SNX4: variants seen among roughly 807,000 people sequenced by gnomAD.
SNX4 encodes sorting nexin-4.
In SNX4, 49 loss-of-function variants were observed where a neutral mutation model predicts 70.8. The ratio of observed to expected loss-of-function variants is 0.69; its 90% CI spans 0.55 to 0.88. The LOEUF is 0.88. SNX4 is among the 40% of genes least tolerant of loss of function. SNX4 has a pLI of 0.00. For missense variants in SNX4, 528 were observed against 544.8 expected (o/e 0.97, Z 0.31); for synonymous variants, 206 against 183.8 (o/e 1.12, Z -0.98).
At chr3:125,495,771 T>C (rs1934780485) in intron 5 of SNX4, among the ~76,000 whole-genome samples, 3 of 152,240 alleles carry the variant, frequency 2.0e-5, no homozygotes, top group Admixed American at 2.0e-4. Context: ...CTAGAATTTT[T>C]AAATTTTTTG....
chr3:125,490,787 CA>C (rs61378851), intron 5 of SNX4, among the ~76,000 whole-genome samples: 47 of 140,678 alleles, frequency 3.3e-4, no homozygotes, highest in East Asian at 4.1e-4. Context: ...ATTAAAAAAA[CA>C]AAAAAAAAAA....
At chr3:125,485,903 C>T (rs1037380221) in intron 6 of SNX4, among the ~76,000 whole-genome samples, 4 of 152,152 alleles carry the variant, frequency 2.6e-5, no homozygotes, top group East Asian at 1.9e-4. Context: ...TGCAATGGCG[C>T]GATCTTGGCT....
intron 1 of SNX4, among the ~76,000 whole-genome samples, chr3:125,513,612 C>T (rs901887511): frequency 3.3e-5 from 5 of 152,054 alleles, no homozygotes; most frequent in Non-Finnish European, 5.9e-5. Context: ...CATCTGTATC[C>T]CACAACCCAG....
intron 2 of SNX4, among the ~76,000 whole-genome samples, chr3:125,499,757 G>A (rs1422432376): frequency 1.6e-5 from 2 of 122,102 alleles, no homozygotes. Context: ...GTCTGCATAA[G>A]TGTTTAAAAA....
chr3:125,506,817 T>TA lies in SNX4; in HGVS notation c.142-2074dup, dbSNP rs71148182. On this transcript the variant is annotated intron_variant, in intron 1 of 13. Transcript: ENST00000251775. Reference sequence around the variant, plus strand: ...AACTTAAAGAAAGATGTGGAGAAAGTAAAAAAAAAAAAAAAAAAAAAAAAA... The same window carrying TA: ...AACTTAAAGAAAGATGTGGAGAAAGTAAAAAAAAAAAAAAAAAAAAAAAAAA... 3.0e-3 allele frequency among the ~76,000 whole-genome samples: 81 copies of TA among 26,822 alleles called. 6 individuals carry two copies. The highest frequency in any genetic ancestry group is 5.4e-3 in the East Asian group (2 of 368). The allele number at this position is 26,822 out of a possible 152,430, so 17.6% of individuals were successfully genotyped here. A position where few individuals can be genotyped will look rare whatever the true frequency, so the allele number is the denominator to read the frequency against.
chr3:125,488,918 T>C (rs1254353200), intron 6 of SNX4, among the ~76,000 whole-genome samples: 3 of 152,218 alleles, frequency 2.0e-5, no homozygotes, highest in Non-Finnish European at 2.9e-5. Flanking sequence ...TGTTAAGTAA[T>C]TTCTGAATAC....
At chr3:125,495,273 T>TACACACAC (rs1204182241) in intron 5 of SNX4, among the ~76,000 whole-genome samples, 2 of 72,318 alleles carry the variant, frequency 2.8e-5, no homozygotes, top group African/African-American at 8.5e-5. Flanking sequence ...TATATATATA[T>TACACACAC]ATATACACAT....
At chr3:125,469,784 TC>T (rs1934121121) in intron 8 of SNX4, among the ~76,000 whole-genome samples, 1 of 152,154 alleles carries the variant, frequency 6.6e-6, no homozygotes, top group African/African-American at 2.4e-5. Context: ...GATTACATTC[TC>T]AGTTAGGCGG....
intron 1 of SNX4, among the ~76,000 whole-genome samples, chr3:125,510,710 G>A (rs12498022): frequency 0.3 from 45,513 of 152,008 alleles, 7,261 homozygotes; most frequent in Admixed American, 0.43. Flanking sequence ...TGAGGTACTC[G>A]GAATAGTCAA....
intron 9 of SNX4, among the ~76,000 whole-genome samples, chr3:125,468,061 G>GT (rs2107535641): frequency 6.6e-6 from 1 of 152,304 alleles, no homozygotes; most frequent in African/African-American, 2.4e-5. Context: ...ACACAGCCAT[G>GT]TAAGAGAATA....
intron 12 of SNX4, among the ~76,000 whole-genome samples, chr3:125,453,586 CA>C (rs1216659450): frequency 6.6e-6 from 1 of 151,924 alleles, no homozygotes; most frequent in African/African-American, 2.4e-5. Flanking sequence ...CAGGCTCAAG[CA>C]ATCCTCCCAC....
chr3:125,471,066 AAGGCATGATGGCTC>A (rs1934156857), intron 8 of SNX4, among the ~76,000 whole-genome samples: 1 of 152,102 alleles, frequency 6.6e-6, no homozygotes, highest in South Asian at 2.1e-4. Context: ...GCTTTTTGGC[AAGGCATGATGGCTC>A]ACGCCTATAA....
At position 125,447,132 on chromosome 3, in the gene SNX4, A is replaced by G. The variant is rs1933443292; in HGVS notation, c.*647T>C. 1 of 152,618 alleles carries G rather than the reference A, an allele frequency of 6.6e-6. No homozygotes were observed. The highest frequency in any genetic ancestry group is 1.9e-4 in the East Asian group (1 of 5,200). 9.5% of individuals were successfully genotyped at this position (152,618 alleles called of 1,614,324 possible). A position where few individuals can be genotyped will look rare whatever the true frequency, so the allele number is the denominator to read the frequency against. On this transcript the variant is annotated 3_prime_UTR_variant, in exon 14 of 14. Transcript: ENST00000251775. The stretch of plus-strand genomic sequence containing the variant: ...ATATAGGAGTTGCTAGAGGATGACA[A>G]TGTATCCCATTATAGATCTGAGAAG...
At chr3:125,511,322 G>A (rs183406635) in intron 1 of SNX4, among the ~76,000 whole-genome samples, 1 of 145,926 alleles carries the variant, frequency 6.9e-6, no homozygotes, top group African/African-American at 2.6e-5. Context: ...TCTCTCAAAA[G>A]TCAAATATTA....
intron 2 of SNX4, among the ~76,000 whole-genome samples, chr3:125,500,024 C>T (rs988231815): frequency 4.6e-5 from 7 of 151,848 alleles, no homozygotes; most frequent in Non-Finnish European, 1.0e-4. Context: ...CGCGCCAACG[C>T]ACTCCAGCCT....
At chr3:125,506,754 C>T (rs1024404514) in intron 1 of SNX4, among the ~76,000 whole-genome samples, 1 of 124,050 alleles carries the variant, frequency 8.1e-6, no homozygotes, top group African/African-American at 3.1e-5. Flanking sequence ...GCCTGGATGA[C>T]AAAGACTTTA....
intron 6 of SNX4, among the ~76,000 whole-genome samples, chr3:125,487,262 T>A (rs1183730252): frequency 1.3e-5 from 2 of 152,084 alleles, no homozygotes; most frequent in Non-Finnish European, 2.9e-5. Context: ...GACAAACAAA[T>A]CCTGTTACTA....
chr3:125,507,638 A>C (rs1370691196), intron 1 of SNX4, among the ~76,000 whole-genome samples: 2 of 152,252 alleles, frequency 1.3e-5, no homozygotes, highest in Non-Finnish European at 2.9e-5. Context: ...GCAACTGATC[A>C]TATATAAGGA....
Position 125,447,059 on chromosome 3 carries a change from T to C in SNX4, c.*720A>G, listed in dbSNP as rs1341607746. Reference sequence around the variant, plus strand: ...CTCATTACTGAGGTTAAGAATTATTTGAGAAGAATTTAATTCTTATATGTA... The same window carrying C: ...CTCATTACTGAGGTTAAGAATTATTCGAGAAGAATTTAATTCTTATATGTA... On this transcript the variant is annotated 3_prime_UTR_variant, in exon 14 of 14. Transcript: ENST00000251775. 1 of 152,606 alleles carries C rather than the reference T, an allele frequency of 6.6e-6. No individual in the cohort carries two copies. The highest frequency in any genetic ancestry group is 6.6e-5 in the Admixed American group (1 of 15,262). 9.5% of individuals were successfully genotyped at this position (152,606 alleles called of 1,614,324 possible).
Sources: gnomAD v4.1 joint callset for allele counts (sites outside exome capture counted in the v4.1 genomes callset) on GRCh38, gnomAD v4.1.1 for gene constraint, MANE v1.5 for transcripts, NCBI Gene and HGNC (gene_info 2026-07-23, HGNC 2026-07-21) for gene names.